Variants in NPL observed in about 807,000 individuals in gnomAD.
NPL encodes the protein N-acetylneuraminate pyruvate lyase.
Under a neutral mutation model 41.1 loss-of-function variants are expected in NPL, and 32 were observed. The observed-to-expected ratio is 0.78, with a 90% confidence interval of 0.59 to 1.05. The LOEUF (loss-of-function observed/expected upper bound fraction) is 1.05, where lower values mean the gene tolerates loss of function less well. Among genes scored for constraint, NPL ranks in the 50% least tolerant of loss-of-function variants. The probability of loss-of-function intolerance (pLI) is 0.00; values close to 1 mark genes in which losing one functional copy is unlikely to be tolerated. For synonymous variants in NPL, 128 were observed against 134.9 expected (o/e 0.95, Z 0.35); for missense variants, 321 against 378.4 (o/e 0.85, Z 1.26).
At chr1:182,827,462 G>A (rs760606233) in intron 12 of NPL, among the ~76,000 whole-genome samples, 2 of 152,188 alleles carry the variant, frequency 1.3e-5, no homozygotes, top group Non-Finnish European at 2.9e-5. Flanking sequence ...AAGTCTATTA[G>A]TTGTATTTTG....
At chr1:182,803,255 T>C (rs1666905006) in intron 3 of NPL, among the ~76,000 whole-genome samples, 1 of 152,192 alleles carries the variant, frequency 6.6e-6, no homozygotes, top group Non-Finnish European at 1.5e-5. Flanking sequence ...CCAGGCATGA[T>C]GGCTCATACT....
chr1:182,829,671 C>T lies in NPL; in HGVS notation c.*763C>T. On this transcript the variant is annotated 3_prime_UTR_variant, in exon 13 of 13. Coordinates refer to ENST00000367553, the MANE Select transcript of NPL (RefSeq NM_030769.3). ...TCTGGGCACCACAAACTTCCCCTTC[C>T]TCCACTGAGAAGACTGTCTCTCCCG... 6.5e-7 allele frequency: 1 copy of T among 1,538,072 alleles called. No individual in the cohort carries two copies. The highest frequency in any genetic ancestry group is 8.8e-7 in the Non-Finnish European group (1 of 1,135,204).
At chr1:182,795,676 A>G (rs1161342813) in intron 3 of NPL, 1 of 152,162 alleles carries the variant, frequency 6.6e-6, no homozygotes, top group Non-Finnish European at 1.5e-5. Context: ...CGGCATTTAG[A>G]TTACTCAGCT....
At chr1:182,817,168 A>G (rs1258930808) in intron 8 of NPL, among the ~76,000 whole-genome samples, 1 of 152,210 alleles carries the variant, frequency 6.6e-6, no homozygotes, top group Non-Finnish European at 1.5e-5. Flanking sequence ...TAGTGCCTGT[A>G]GCACATAGGA....
intron 5 of NPL, among the ~76,000 whole-genome samples, chr1:182,808,816 G>A (rs562404874): frequency 1.2e-4 from 19 of 152,038 alleles, no homozygotes; most frequent in East Asian, 5.8e-4. Context: ...ATAATTAGCC[G>A]GGCATAGTGG....
At chr1:182,821,444 T>A (rs1667483872) in intron 10 of NPL, among the ~76,000 whole-genome samples, 1 of 152,190 alleles carries the variant, frequency 6.6e-6, no homozygotes. Context: ...TTTGTTGAAT[T>A]GTTATAGAAG....
intron 11 of NPL, among the ~76,000 whole-genome samples, chr1:182,824,836 G>T (rs533842917): frequency 6.6e-6 from 1 of 152,198 alleles, no homozygotes; most frequent in South Asian, 2.1e-4. Flanking sequence ...AGATGCATGA[G>T]GCTCTTTTTT....
chr1:182,790,070 C>G (rs1666455381), intron 1 of NPL, among the ~76,000 whole-genome samples: 2 of 152,196 alleles, frequency 1.3e-5, no homozygotes, highest in African/African-American at 4.8e-5. Context: ...TCCAAAGGTC[C>G]TTTCCTCAAA....
At chr1:182,803,309 C>G (rs1182617604) in intron 3 of NPL, among the ~76,000 whole-genome samples, 1 of 152,182 alleles carries the variant, frequency 6.6e-6, no homozygotes, top group Non-Finnish European at 1.5e-5. Flanking sequence ...GTTAAGTTCT[C>G]ATTTAACCAT....
intron 8 of NPL, among the ~76,000 whole-genome samples, chr1:182,817,207 T>C (rs1004651382): frequency 6.6e-6 from 1 of 152,224 alleles, no homozygotes; most frequent in African/African-American, 2.4e-5. Context: ...TGACTTCTCT[T>C]CTAGCTTTTC....
chr1:182,829,919 T>C lies in NPL; in HGVS notation c.*1011T>C, dbSNP rs995161699. ...GTTTAATCTCCCTTCTAACAAACCT[T>C]GATATAAGCTTTCTGATATCAAAGT... On this transcript the variant is annotated 3_prime_UTR_variant, in exon 13 of 13. Coordinates refer to ENST00000367553, the MANE Select transcript of NPL (RefSeq NM_030769.3). 3 of 355,950 alleles carry C rather than the reference T, an allele frequency of 8.4e-6. No homozygotes were observed. The highest frequency in any genetic ancestry group is 1.5e-5 in the Non-Finnish European group (3 of 195,608). 22.0% of individuals were successfully genotyped at this position (355,950 alleles called of 1,614,324 possible).
At chr1:182,823,931 T>G (rs186246307) in intron 11 of NPL, among the ~76,000 whole-genome samples, 2 of 152,366 alleles carry the variant, frequency 1.3e-5, no homozygotes, top group African/African-American at 4.8e-5. Context: ...TCTCTGTTTC[T>G]TCTTAAGAAA....
intron 11 of NPL, among the ~76,000 whole-genome samples, chr1:182,822,973 G>A (rs1197034249): frequency 1.3e-5 from 2 of 152,150 alleles, no homozygotes; most frequent in African/African-American, 4.8e-5. Flanking sequence ...GGCTCAAGCA[G>A]TCCTCCCGCC....
chr1:182,806,057 A>G, intron 4 of NPL, 88 bp from the exon 5 acceptor site: 1 of 1,471,250 alleles, frequency 6.8e-7, no homozygotes, highest in Admixed American at 1.8e-5. Flanking sequence ...TCCTCAGTGC[A>G]GTGGTTTCTG....
intron 3 of NPL, among the ~76,000 whole-genome samples, chr1:182,794,923 T>G (rs1666615612): frequency 6.6e-6 from 1 of 152,244 alleles, no homozygotes; most frequent in African/African-American, 2.4e-5. Context: ...AGTGGGAGGT[T>G]ATCTGCAAGA....
At chr1:182,814,991 G>A (rs1170557884) in intron 7 of NPL, 133 bp downstream of exon 7, 2 of 708,242 alleles carry the variant, frequency 2.8e-6, no homozygotes, top group Non-Finnish European at 4.9e-6. Context: ...TGGTACAGTG[G>A]TTCTCTGAAA....
In NPL at chr1:182,828,913, T is replaced by C; in HGVS notation, c.*5T>C. On this transcript the variant is annotated 3_prime_UTR_variant, in exon 13 of 13. Transcript: ENST00000367553. The surrounding 1 kb of genome is among the most constrained non-coding windows in gnomAD (Gnocchi z 4.0). ...AACTTGGAAGCTGGTAGCTAGTGCC[T>C]CTCTATCAAATCAGGGTTTGCACCT... The C allele has an allele frequency of 1.2e-6, 2 of 1,614,098 alleles. No homozygotes were observed. The highest frequency in any genetic ancestry group is 1.7e-6 in the Non-Finnish European group (2 of 1,179,992).
Position 182,791,013 on chromosome 1 carries a change from T to C in NPL, c.-72+1208T>C, listed in dbSNP as rs540964308. ...GCAAAGGCAGCAAACTTTTACGTAG[T>C]GTAGTTATCTGTGCAAAGAAATTTT... On this transcript the variant is annotated intron_variant, in intron 1 of 12. Coordinates refer to ENST00000367553, the MANE Select transcript of NPL (RefSeq NM_030769.3). Among the ~76,000 whole-genome samples, 100 of 152,304 alleles carry C rather than the reference T, an allele frequency of 6.6e-4. 4 individuals carry two copies. Among genetic ancestry groups the C allele is most frequent in the Non-Finnish European group, 5.7e-4 (39 of 68,030 alleles).
intron 5 of NPL, among the ~76,000 whole-genome samples, chr1:182,810,544 A>G (rs948465263): frequency 6.6e-6 from 1 of 152,166 alleles, no homozygotes; most frequent in Non-Finnish European, 1.5e-5. Flanking sequence ...TGATTAATCA[A>G]TTATTGCTTT....
Sources: allele counts gnomAD v4.1 joint callset (sites outside exome capture counted in the v4.1 genomes callset), GRCh38; gene constraint gnomAD v4.1.1; non-coding constraint Gnocchi (gnomAD v3.1); transcripts MANE v1.5; gene names NCBI Gene and HGNC (gene_info 2026-07-23, HGNC 2026-07-21).